The following VOPP1 variants were observed in gnomAD, a reference collection of about 807,000 sequenced individuals.
The protein encoded by VOPP1 is WW domain binding protein VOPP1.
In VOPP1, 8 loss-of-function variants were observed where a neutral mutation model predicts 23.5. That is an observed-to-expected ratio of 0.34 (90% CI 0.20 to 0.61). The LOEUF is 0.61. VOPP1 is among the 20% of genes least tolerant of loss of function. VOPP1 has a pLI of 0.78. For missense variants in VOPP1, 174 were observed against 238.1 expected (o/e 0.73, Z 1.77); for synonymous variants, 83 against 97.3 (o/e 0.85, Z 0.86).
At chr7:55,551,133 G>A (rs185665247) in intron 1 of VOPP1, among the ~76,000 whole-genome samples, 63 of 152,268 alleles carry the variant, frequency 4.1e-4, no homozygotes, top group Non-Finnish European at 7.4e-4. Flanking sequence ...CTACCATCCC[G>A]CAGACATAAC....
chr7:55,511,359 G>A, intron 2 of VOPP1, among the ~76,000 whole-genome samples: 1 of 152,154 alleles, frequency 6.6e-6, no homozygotes, highest in East Asian at 1.9e-4. Flanking sequence ...TTCACTCCAT[G>A]TAATACAGCC....
intron 4 of VOPP1, among the ~76,000 whole-genome samples, chr7:55,455,415 T>C (rs1791341668): frequency 6.6e-6 from 1 of 152,204 alleles, no homozygotes; most frequent in Admixed American, 6.5e-5. Flanking sequence ...CCTATCAAGC[T>C]ACCATTGACT....
chr7:55,561,699 A>AAG (rs1403306565), intron 1 of VOPP1, among the ~76,000 whole-genome samples: 3 of 538 alleles, frequency 5.6e-3, no homozygotes, highest in African/African-American at 6.8e-3. Flanking sequence ...TCTGTCTGGA[A>AAG]AAAAAAAAAA....
intron 1 of VOPP1, among the ~76,000 whole-genome samples, chr7:55,525,789 T>TAAA (rs141901865): frequency 1.3e-5 from 1 of 77,974 alleles, no homozygotes; most frequent in African/African-American, 4.1e-5. Context: ...AAAACCTCTC[T>TAAA]AAAAAAAAAA....
intron 4 of VOPP1, among the ~76,000 whole-genome samples, chr7:55,475,859 G>A (rs961818016): frequency 1.3e-5 from 2 of 152,234 alleles, no homozygotes; most frequent in African/African-American, 4.8e-5. Flanking sequence ...GTGCACGGTG[G>A]GGAATGGCAT....
chr7:55,549,900 A>G (rs1302044869), intron 1 of VOPP1, among the ~76,000 whole-genome samples: 2 of 152,204 alleles, frequency 1.3e-5, no homozygotes, highest in African/African-American at 4.8e-5. Context: ...CTTGCTTGGA[A>G]AAAGACTTTT....
intron 4 of VOPP1, among the ~76,000 whole-genome samples, chr7:55,460,319 G>A (rs889635731): frequency 1.3e-5 from 2 of 152,200 alleles, no homozygotes; most frequent in Non-Finnish European, 2.9e-5. Context: ...ATGTGCTGAT[G>A]AGAAGAATGT....
At chr7:55,550,898 T>A (rs1797579510) in intron 1 of VOPP1, among the ~76,000 whole-genome samples, 1 of 152,194 alleles carries the variant, frequency 6.6e-6, no homozygotes, top group South Asian at 2.1e-4. Flanking sequence ...ATAAAGCAAT[T>A]AAATTTTAGA....
intron 4 of VOPP1, among the ~76,000 whole-genome samples, chr7:55,477,122 C>G (rs573386417): frequency 6.6e-6 from 1 of 152,356 alleles, no homozygotes. Context: ...TCAGAATCAC[C>G]AGGCAGCCCC....
At chr7:55,558,775 C>G (rs1797890753) in intron 1 of VOPP1, among the ~76,000 whole-genome samples, 1 of 152,200 alleles carries the variant, frequency 6.6e-6, no homozygotes, top group African/African-American at 2.4e-5. Context: ...GCCTCAAACA[C>G]AGCATGGCTA....
chr7:55,519,788 C>A (rs1045713107), intron 2 of VOPP1, among the ~76,000 whole-genome samples: 2 of 152,234 alleles, frequency 1.3e-5, no homozygotes, highest in African/African-American at 4.8e-5. Flanking sequence ...TTTACCCGCA[C>A]TCACAGATAC....
chr7:55,446,546 T>G (rs1200761952), intron 4 of VOPP1, among the ~76,000 whole-genome samples: 1 of 152,136 alleles, frequency 6.6e-6, no homozygotes, highest in African/African-American at 2.4e-5. Context: ...GCAAGGGAAC[T>G]TTGGTATTAT....
At chr7:55,482,370 C>G (rs1386701634) in intron 4 of VOPP1, among the ~76,000 whole-genome samples, 14 of 138,992 alleles carry the variant, frequency 1.0e-4, no homozygotes, top group African/African-American at 3.0e-4. Context: ...TTTTTTGAGA[C>G]GGAGTCTCAC....
intron 4 of VOPP1, among the ~76,000 whole-genome samples, chr7:55,436,420 C>T (rs752331357): frequency 1.3e-5 from 2 of 152,224 alleles, no homozygotes; most frequent in African/African-American, 4.8e-5. Flanking sequence ...GCCTCTAGTC[C>T]GTGTAAGTGC....
rs1056950173 is a variant in VOPP1, at chr7:55,516,043, G to A, written c.113+5029C>T. 28 of 985,256 alleles carry A rather than the reference G, an allele frequency of 2.8e-5. No individual in the cohort carries two copies. The South Asian group carries it at 8.5e-4, about 30-fold the overall frequency. The allele number at this position is 985,256 out of a possible 1,614,324, so 61.0% of individuals were successfully genotyped here. The stretch of plus-strand genomic sequence containing the variant: ...CGAGGCCCAAGCAGAAGCTCAACTC[G>A]AGGAGAGAATGCAAGCCAAGGGGCG... On this transcript the variant is annotated intron_variant, in intron 2 of 4. Coordinates refer to ENST00000285279, the MANE Select transcript of VOPP1 (RefSeq NM_030796.5).
intron 1 of VOPP1, among the ~76,000 whole-genome samples, chr7:55,533,183 T>C: frequency 6.6e-6 from 1 of 152,340 alleles, no homozygotes; most frequent in Admixed American, 6.5e-5. Context: ...CAAACTCACA[T>C]GAGTGCCTCC....
At chr7:55,490,372 G>C (rs898468223) in intron 4 of VOPP1, among the ~76,000 whole-genome samples, 2 of 152,068 alleles carry the variant, frequency 1.3e-5, no homozygotes, top group African/African-American at 4.8e-5. Context: ...AGAACAGAGG[G>C]ATGGGACCAG....
intron 4 of VOPP1, among the ~76,000 whole-genome samples, chr7:55,438,194 CCTT>C (rs1320102080): frequency 6.6e-6 from 1 of 152,072 alleles, no homozygotes; most frequent in East Asian, 1.9e-4. Flanking sequence ...TGCGCCTGGC[CCTT>C]CTTTGTATTT....
At chr7:55,486,610 C>T (rs1793165349) in intron 4 of VOPP1, among the ~76,000 whole-genome samples, 2 of 152,314 alleles carry the variant, frequency 1.3e-5, no homozygotes, top group African/African-American at 4.8e-5. Flanking sequence ...TGGGCGTCAC[C>T]AAGTAAGACA....
Sources: gnomAD v4.1 joint callset for allele counts (sites outside exome capture counted in the v4.1 genomes callset) on GRCh38, gnomAD v4.1.1 for gene constraint, MANE v1.5 for transcripts, NCBI Gene and HGNC (gene_info 2026-07-23, HGNC 2026-07-21) for gene names.